The following KIAA1549L variants were observed in gnomAD, a reference collection of about 807,000 sequenced individuals.
KIAA1549L encodes the protein KIAA1549 like.
Under a neutral mutation model 160.7 loss-of-function variants are expected in KIAA1549L, and 88 were observed. The ratio of observed to expected loss-of-function variants is 0.55; its 90% CI spans 0.46 to 0.65. The LOEUF (loss-of-function observed/expected upper bound fraction) is 0.65, where lower values mean the gene tolerates loss of function less well. KIAA1549L is among the 30% of genes least tolerant of loss of function. The pLI, the probability that KIAA1549L is intolerant of heterozygous loss-of-function variation, is 0.00. For synonymous variants in KIAA1549L, 950 were observed against 976.7 expected (o/e 0.97, Z 0.51); for missense variants, 2,258 against 2,437.5 (o/e 0.93, Z 1.55).
intron 16 of KIAA1549L, among the ~76,000 whole-genome samples, chr11:33,637,575 A>ATACTGT (rs2133387618): frequency 6.6e-6 from 1 of 152,318 alleles, no homozygotes; most frequent in South Asian, 2.1e-4. Flanking sequence ...CTTAAACAAC[A>ATACTGT]GACATTTATT....
chr11:33,606,826 A>G lies in KIAA1549L; in HGVS notation c.5061+4A>G. 6.3e-7 allele frequency: 1 copy of G among 1,594,548 alleles called. No individual in the cohort carries two copies. Among genetic ancestry groups the G allele is most frequent in the Non-Finnish European group, 8.6e-7 (1 of 1,169,538 alleles). The stretch of plus-strand genomic sequence containing the variant: ...ATCGGCAGTCCTCAACGGCGAGGTA[A>G]GTGCCTGGAGACCCAGGGCAGGAGA... On this transcript the variant is annotated splice_donor_region_variant and intron_variant, in intron 14 of 20. Transcript: ENST00000658780.
chr11:33,523,159 G>A (rs1241770721), intron 1 of KIAA1549L, among the ~76,000 whole-genome samples: 1 of 152,178 alleles, frequency 6.6e-6, no homozygotes, highest in African/African-American at 2.4e-5. Context: ...AAATTGCTAG[G>A]ACAATGACTT....
In KIAA1549L at chr11:33,669,731, C is replaced by T. The variant is rs186240485; in HGVS notation, c.*1577C>T. The T allele has an allele frequency of 2.0e-5, 3 of 152,314 alleles. No homozygotes were observed. The highest frequency in any genetic ancestry group is 4.8e-5 in the African/African-American group (2 of 41,558). The allele number at this position is 152,314 out of a possible 1,614,324, so 9.4% of individuals were successfully genotyped here. A position where few individuals can be genotyped will look rare whatever the true frequency, so the allele number is the denominator to read the frequency against. On this transcript the variant is annotated 3_prime_UTR_variant, in exon 21 of 21. Transcript: ENST00000658780. ...AGGGGAGGTTCAAACTGTCAATGCACAGACTTTTCAAAGAAGTTGTTTATA... is the reference window on the plus strand; with the variant it reads ...AGGGGAGGTTCAAACTGTCAATGCATAGACTTTTCAAAGAAGTTGTTTATA...
intron 1 of KIAA1549L, among the ~76,000 whole-genome samples, chr11:33,452,028 C>T (rs950903022): frequency 2.6e-5 from 4 of 152,126 alleles, no homozygotes; most frequent in East Asian, 1.9e-4. Context: ...TTCCAAAAAC[C>T]GATGATTTTC....
At chr11:33,470,597 AT>A (rs1852157984) in intron 1 of KIAA1549L, among the ~76,000 whole-genome samples, 1 of 151,494 alleles carries the variant, frequency 6.6e-6, no homozygotes, top group Non-Finnish European at 1.5e-5. Flanking sequence ...CGCAGCTAAT[AT>A]TTTTGTGTGT....
At chr11:33,459,036 T>C (rs1302047943) in intron 1 of KIAA1549L, among the ~76,000 whole-genome samples, 1 of 152,262 alleles carries the variant, frequency 6.6e-6, no homozygotes, top group African/African-American at 2.4e-5. Flanking sequence ...TTTATAATCC[T>C]AAATCTCCCA....
At chr11:33,440,905 A>T (rs1426279114) in intron 1 of KIAA1549L, among the ~76,000 whole-genome samples, 1 of 151,820 alleles carries the variant, frequency 6.6e-6, no homozygotes, top group African/African-American at 2.4e-5. Context: ...TTCTAGGTTG[A>T]CAGTTCTTTT....
At chr11:33,479,578 A>G (rs929980788) in intron 1 of KIAA1549L, among the ~76,000 whole-genome samples, 1 of 152,208 alleles carries the variant, frequency 6.6e-6, no homozygotes, top group South Asian at 2.1e-4. Flanking sequence ...GAAATTTAAA[A>G]GTTGAATTAG....
intron 1 of KIAA1549L, among the ~76,000 whole-genome samples, chr11:33,468,331 G>T (rs113785798): frequency 6.6e-6 from 1 of 152,260 alleles, no homozygotes; most frequent in African/African-American, 2.4e-5. Flanking sequence ...AGCAGCTCCA[G>T]TTATCTCTAA....
intron 1 of KIAA1549L, among the ~76,000 whole-genome samples, chr11:33,473,123 G>A (rs779239925): frequency 6.6e-6 from 1 of 152,222 alleles, no homozygotes; most frequent in Non-Finnish European, 1.5e-5. Context: ...TGGCTGTAGT[G>A]TCTGTTTGGG....
intron 1 of KIAA1549L, among the ~76,000 whole-genome samples, chr11:33,420,871 T>C (rs1417906102): frequency 6.6e-6 from 1 of 152,144 alleles, no homozygotes; most frequent in African/African-American, 2.4e-5. Flanking sequence ...TCATCACATT[T>C]TTTCATTGAG....
At chr11:33,546,659 T>C (rs1450560070) in intron 3 of KIAA1549L, among the ~76,000 whole-genome samples, 2 of 152,176 alleles carry the variant, frequency 1.3e-5, no homozygotes, top group Non-Finnish European at 2.9e-5. Flanking sequence ...AATGCATTCC[T>C]TTGCTTAAAA....
At chr11:33,400,485 T>A (rs2057498) in intron 1 of KIAA1549L, among the ~76,000 whole-genome samples, 13,017 of 152,200 alleles carry the variant, frequency 0.086, 1,085 homozygotes, top group East Asian at 0.25. Context: ...ACTTGGGACC[T>A]CATGGTCTAG....
chr11:33,446,172 G>A (rs1851607566), intron 1 of KIAA1549L, among the ~76,000 whole-genome samples: 1 of 149,216 alleles, frequency 6.7e-6, no homozygotes, highest in Non-Finnish European at 1.5e-5. Context: ...TCAGCTCACT[G>A]CAACCTCCGC....
chr11:33,498,749 G>A (rs1852877305), intron 1 of KIAA1549L, among the ~76,000 whole-genome samples: 1 of 152,208 alleles, frequency 6.6e-6, no homozygotes, highest in Admixed American at 6.5e-5. Flanking sequence ...TGAAGTGTAT[G>A]TATACAGGGA....
At chr11:33,568,778 C>T (rs1200092856) in intron 9 of KIAA1549L, among the ~76,000 whole-genome samples, 1 of 152,216 alleles carries the variant, frequency 6.6e-6, no homozygotes, top group East Asian at 1.9e-4. Flanking sequence ...CCCACATCCC[C>T]TTACCATTTT....
At chr11:33,408,936 C>T (rs1398914894) in intron 1 of KIAA1549L, among the ~76,000 whole-genome samples, 3 of 124,208 alleles carry the variant, frequency 2.4e-5, no homozygotes, top group Non-Finnish European at 3.2e-5. Context: ...GGTGACAGAG[C>T]GCGACTCCAT....
At chr11:33,446,279 G>A (rs1851609556) in intron 1 of KIAA1549L, among the ~76,000 whole-genome samples, 1 of 152,088 alleles carries the variant, frequency 6.6e-6, no homozygotes, top group African/African-American at 2.4e-5. Context: ...ATTTTTAGTA[G>A]AGACAGGGTT....
intron 1 of KIAA1549L, among the ~76,000 whole-genome samples, chr11:33,416,712 C>T (rs1040430683): frequency 6.6e-6 from 1 of 152,004 alleles, no homozygotes; most frequent in South Asian, 2.1e-4. Context: ...AAGGGACATC[C>T]GTGATTCAAA....
Sources: allele counts gnomAD v4.1 joint callset (sites outside exome capture counted in the v4.1 genomes callset), GRCh38; gene constraint gnomAD v4.1.1; transcripts MANE v1.5; gene names NCBI Gene and HGNC (gene_info 2026-07-23, HGNC 2026-07-21).